CLSTN1: variants seen among roughly 807,000 people sequenced by gnomAD.
CLSTN1 encodes calsyntenin-1.
A neutral mutation model predicts 108.3 loss-of-function variants in CLSTN1; 28 were observed. The ratio of observed to expected loss-of-function variants is 0.26; its 90% CI spans 0.19 to 0.35. The LOEUF is 0.35. Ranked by LOEUF, CLSTN1 falls within the 10% of genes least tolerant of loss-of-function variation. The pLI, the probability that CLSTN1 is intolerant of heterozygous loss-of-function variation, is 1.00. For missense variants in CLSTN1, 1,157 were observed against 1,302.6 expected (o/e 0.89, Z 1.72); for synonymous variants, 524 against 534.9 (o/e 0.98, Z 0.28).
intron 2 of CLSTN1, among the ~76,000 whole-genome samples, chr1:9,766,129 A>G (rs1339681893): frequency 6.6e-6 from 1 of 152,180 alleles, no homozygotes; most frequent in Admixed American, 6.6e-5. Flanking sequence ...CTTCTTTTGG[A>G]TTCTATTTGT....
At chr1:9,769,136 G>GGAGA (rs990601352) in intron 2 of CLSTN1, among the ~76,000 whole-genome samples, 1 of 145,406 alleles carries the variant, frequency 6.9e-6, no homozygotes, top group African/African-American at 2.6e-5. Context: ...GAAATGAGAG[G>GGAGA]GAGAGAGGGA....
At position 9,738,916 on chromosome 1, in the gene CLSTN1, T is replaced by C. The variant is rs529629752; in HGVS notation, c.1520-1362A>G. Among the ~76,000 whole-genome samples, 246 of 152,324 alleles carry C rather than the reference T, an allele frequency of 1.6e-3. 2 individuals carry two copies. Among genetic ancestry groups the C allele is most frequent in the Middle Eastern group, 0.01 (3 of 294 alleles). ...ATCTGCCTGCCACCGCCTCCCAAAG[T>C]GCTGGGATTACAGGTGTGAGCCACT... On this transcript the variant is annotated intron_variant, in intron 10 of 18. Coordinates refer to ENST00000377298, the MANE Select transcript of CLSTN1 (RefSeq NM_001009566.3).
intron 4 of CLSTN1, among the ~76,000 whole-genome samples, chr1:9,752,135 T>C (rs1337025916): frequency 6.6e-6 from 1 of 152,080 alleles, no homozygotes; most frequent in Non-Finnish European, 1.5e-5. Context: ...CATGAAATGG[T>C]TTGATTCTGA....
intron 2 of CLSTN1, among the ~76,000 whole-genome samples, chr1:9,764,780 T>C (rs1652246510): frequency 6.6e-6 from 1 of 152,186 alleles, no homozygotes. Flanking sequence ...CTAGTATCCT[T>C]TGCCAATCTT....
chr1:9,766,387 G>A (rs561785337), intron 2 of CLSTN1, among the ~76,000 whole-genome samples: 3 of 152,120 alleles, frequency 2.0e-5, no homozygotes, highest in Non-Finnish European at 2.9e-5. Flanking sequence ...GGCCGGGCGC[G>A]GTGGCTCACG....
chr1:9,745,927 C>A (rs1651246840), intron 7 of CLSTN1, among the ~76,000 whole-genome samples: 1 of 151,852 alleles, frequency 6.6e-6, no homozygotes, highest in African/African-American at 2.4e-5. Flanking sequence ...TGCCACCATG[C>A]CCGGCTAATT....
intron 1 of CLSTN1, among the ~76,000 whole-genome samples, chr1:9,788,155 G>C (rs992804506): frequency 6.6e-6 from 1 of 151,512 alleles, no homozygotes; most frequent in African/African-American, 2.4e-5. Context: ...ACTTGGGAGG[G>C]TGAGGTGGGA....
intron 1 of CLSTN1, among the ~76,000 whole-genome samples, chr1:9,808,005 C>T (rs111645879): frequency 0.022 from 3,285 of 152,314 alleles, 136 homozygotes; most frequent in African/African-American, 0.07. Flanking sequence ...AATCCTGCGG[C>T]GCTGCCACTC....
chr1:9,739,363 T>C (rs1650854646), intron 10 of CLSTN1, among the ~76,000 whole-genome samples: 1 of 152,238 alleles, frequency 6.6e-6, no homozygotes, highest in South Asian at 2.1e-4. Flanking sequence ...TGGTTCTTCA[T>C]TTGTTAACAT....
At chr1:9,804,681 C>CA (rs1411135789) in intron 1 of CLSTN1, among the ~76,000 whole-genome samples, 2 of 152,148 alleles carry the variant, frequency 1.3e-5, no homozygotes, top group East Asian at 3.9e-4. Context: ...CCCGTCTCTA[C>CA]AAAAAATACA....
intron 1 of CLSTN1, among the ~76,000 whole-genome samples, chr1:9,775,976 C>CTT (rs748149329): frequency 2.5e-4 from 36 of 144,454 alleles, no homozygotes; most frequent in Middle Eastern, 3.6e-3. Flanking sequence ...TGCCTCCTCT[C>CTT]TTTTTTTTTT....
Position 9,733,493 on chromosome 1 carries a change from T to TC in CLSTN1, c.2334dup (p.Asn779GlufsTer9). 1 of 1,614,158 alleles carries TC rather than the reference T, an allele frequency of 6.2e-7. No homozygotes were observed. Among genetic ancestry groups the TC allele is most frequent in the Non-Finnish European group, 8.5e-7 (1 of 1,180,028 alleles). On this transcript the variant is annotated frameshift_variant, in exon 16 of 19. Coordinates refer to ENST00000377298, the MANE Select transcript of CLSTN1 (RefSeq NM_001009566.3). LOFTEE classifies it high-confidence loss of function. ...TCAAGCAAGGACCTGGCATGCCAGT[T>TC]CCGATAGCGCAGCAGGTGCAAAACC...
intron 2 of CLSTN1, among the ~76,000 whole-genome samples, chr1:9,760,537 T>C (rs1652020724): frequency 6.6e-6 from 1 of 152,156 alleles, no homozygotes; most frequent in South Asian, 2.1e-4. Context: ...TGAGATACAA[T>C]GAGGGCTGAA....
chr1:9,815,801 T>G lies in CLSTN1; in HGVS notation c.91+7842A>C, dbSNP rs188502123. On this transcript the variant is annotated intron_variant, in intron 1 of 18. Coordinates refer to ENST00000377298, the MANE Select transcript of CLSTN1 (RefSeq NM_001009566.3). Reference sequence around the variant, plus strand: ...AAATACAAAAATCAGCCGGGCATGGTGGCAGGCACCTGTAATCCCAGCTAC... The same window carrying G: ...AAATACAAAAATCAGCCGGGCATGGGGGCAGGCACCTGTAATCCCAGCTAC... Among the ~76,000 whole-genome samples the G allele has an allele frequency of 2.4e-4, 36 of 152,256 alleles. 1 individual carries two copies. The highest frequency in any genetic ancestry group is 3.9e-4 in the Admixed American group (6 of 15,286).
chr1:9,730,552 G>C lies in CLSTN1; in HGVS notation c.2902C>G (p.Arg968Gly), dbSNP rs755716425. ...GEQGDPQNAT[R>G]QQQLEWDDST... ...TCATCCCACTCCAGCTGCTGCTGCC[G>C]GGTTGCGTTCTGGGGGTCGCCCTGC... Residue 968 changes from arginine to glycine, a missense_variant, in exon 19 of 19, where the codon CGG becomes GGG. Physicochemically the swap from Arg to Gly is moderately radical, Grantham distance 125. Coordinates refer to ENST00000377298, the MANE Select transcript of CLSTN1 (RefSeq NM_001009566.3). This position sits in a 1 kb window ranked among gnomAD's most constrained non-coding sequence, Gnocchi z 5.6. 3 of 1,607,858 alleles carry C rather than the reference G, an allele frequency of 1.9e-6. No homozygotes were observed. Among genetic ancestry groups the C allele is most frequent in the Middle Eastern group, 1.7e-4 (1 of 6,046 alleles).
At chr1:9,789,557 T>C (rs946245007) in intron 1 of CLSTN1, among the ~76,000 whole-genome samples, 4 of 151,590 alleles carry the variant, frequency 2.6e-5, no homozygotes, top group Admixed American at 1.3e-4. Flanking sequence ...CCAACACCGA[T>C]ACCACTTATT....
At chr1:9,786,543 T>A (rs1474917594) in intron 1 of CLSTN1, among the ~76,000 whole-genome samples, 1 of 147,586 alleles carries the variant, frequency 6.8e-6, no homozygotes, top group South Asian at 2.1e-4. Context: ...CTCAGGAGAC[T>A]GAGGCAGGAG....
At position 9,783,289 on chromosome 1, in the gene CLSTN1, C is replaced by T. The variant is rs114485545; in HGVS notation, c.92-9895G>A. On this transcript the variant is annotated intron_variant, in intron 1 of 18. Transcript: ENST00000377298. ...AGAAGACTTTGTAACTAGAAATCCA[C>T]GGTTTCCAGCCAGGCGCAGTGGCTC... 4.9e-3 allele frequency among the ~76,000 whole-genome samples: 745 copies of T among 152,176 alleles called. 2 individuals carry two copies. The highest frequency in any genetic ancestry group is 0.016 in the African/African-American group (658 of 41,538).
At position 9,806,231 on chromosome 1, in the gene CLSTN1, AG is replaced by A. The variant is rs1186890985; in HGVS notation, c.91+17411del. ...TTTGAACCCAGGGCAGGGGGGGTGG[AG>A]GGGGGGAGGTTGCAGTGAGCTGAGA... On this transcript the variant is annotated intron_variant, in intron 1 of 18. Transcript: ENST00000377298. 1.6e-3 allele frequency among the ~76,000 whole-genome samples: 184 copies of A among 117,606 alleles called. 1 individual carries two copies. The highest frequency in any genetic ancestry group is 8.0e-3 in the African/African-American group (178 of 22,310). The allele number at this position is 117,606 out of a possible 152,430, so 77.2% of individuals were successfully genotyped here. A position where few individuals can be genotyped will look rare whatever the true frequency, so the allele number is the denominator to read the frequency against.
Sources: gnomAD v4.1 joint callset for allele counts (sites outside exome capture counted in the v4.1 genomes callset) on GRCh38, gnomAD v4.1.1 for gene constraint, Gnocchi (gnomAD v3.1) non-coding constraint, MANE v1.5 for transcripts, NCBI Gene and HGNC (gene_info 2026-07-23, HGNC 2026-07-21) for gene names.